CENPP: variants seen among roughly 807,000 people sequenced by gnomAD.
The protein encoded by CENPP is centromere protein P.
Under a neutral mutation model 35.6 loss-of-function variants are expected in CENPP, and 24 were observed. The ratio of observed to expected loss-of-function variants is 0.67; its 90% CI spans 0.49 to 0.95. The LOEUF is 0.95. Ranked by LOEUF, CENPP falls within the 40% of genes least tolerant of loss-of-function variation. The pLI is 0.00. For synonymous variants in CENPP, 120 were observed against 125.5 expected, an observed-to-expected ratio of 0.96 and a Z score of 0.29; for missense variants, 332 against 345.3, an observed-to-expected ratio of 0.96 and a Z score of 0.31.
At chr9:92,555,944 C>T (rs1035237478) in intron 5 of CENPP, among the ~76,000 whole-genome samples, 1 of 151,886 alleles carries the variant, frequency 6.6e-6, no homozygotes, top group Admixed American at 6.6e-5. Flanking sequence ...GTCTGTGTTT[C>T]GTTTGTTCTT....
rs899956946 is a variant in CENPP at position 92,581,922 on chromosome 9, C to G, written c.565-29392C>G. Among the ~76,000 whole-genome samples the G allele has an allele frequency of 1.2e-4, 18 of 152,152 alleles. 1 individual carries two copies. The highest frequency in any genetic ancestry group is 3.9e-4 in the African/African-American group (16 of 41,448). ...TGTTCAAGAGGAGGACTGAGACATCCATTTGTTTAGACTTTGATGAGTATA... is the reference window on the plus strand; with the variant it reads ...TGTTCAAGAGGAGGACTGAGACATCGATTTGTTTAGACTTTGATGAGTATA... On this transcript the variant is annotated intron_variant, in intron 5 of 7. Transcript: ENST00000375587.
chr9:92,564,066 A>T (rs944086860), intron 5 of CENPP, among the ~76,000 whole-genome samples: 1 of 152,130 alleles, frequency 6.6e-6, no homozygotes, highest in Non-Finnish European at 1.5e-5. Flanking sequence ...GAATGTAAGG[A>T]TCAAGTCTAC....
At chr9:92,428,418 G>A (rs966280994) in intron 5 of CENPP, among the ~76,000 whole-genome samples, 11 of 152,092 alleles carry the variant, frequency 7.2e-5, no homozygotes, top group Non-Finnish European at 1.0e-4. Flanking sequence ...CTGAGCATGG[G>A]CCCAGGAACT....
chr9:92,530,284 AT>A (rs1314282518), intron 5 of CENPP, among the ~76,000 whole-genome samples: 3 of 152,148 alleles, frequency 2.0e-5, no homozygotes, highest in African/African-American at 7.2e-5. Context: ...AACTATGGAC[AT>A]TGGGTGATAA....
chr9:92,603,970 T>G (rs1851000117), intron 5 of CENPP, among the ~76,000 whole-genome samples: 1 of 152,242 alleles, frequency 6.6e-6, no homozygotes, highest in Non-Finnish European at 1.5e-5. Context: ...GGGGCTGATG[T>G]GCATTCTTAA....
chr9:92,518,290 C>T (rs1447922224), intron 5 of CENPP, among the ~76,000 whole-genome samples: 1 of 152,200 alleles, frequency 6.6e-6, no homozygotes, highest in Non-Finnish European at 1.5e-5. Flanking sequence ...GTCCTGATCA[C>T]TGCGGTAGTG....
intron 5 of CENPP, among the ~76,000 whole-genome samples, chr9:92,388,318 C>T (rs770921670): frequency 2.6e-5 from 4 of 151,784 alleles, no homozygotes; most frequent in Admixed American, 1.3e-4. Flanking sequence ...CCCACCACCA[C>T]GCCTAGCTAA....
intron 5 of CENPP, among the ~76,000 whole-genome samples, chr9:92,552,368 G>A (rs1849635484): frequency 6.6e-6 from 1 of 152,078 alleles, no homozygotes; most frequent in Admixed American, 6.6e-5. Flanking sequence ...CCAGTAGTGG[G>A]ACTGCTGGAT....
intron 5 of CENPP, among the ~76,000 whole-genome samples, chr9:92,562,551 T>C (rs1159275549): frequency 1.3e-5 from 2 of 152,034 alleles, no homozygotes; most frequent in African/African-American, 4.8e-5. Flanking sequence ...ATTTCATAGG[T>C]TGTTTCTCTT....
At chr9:92,526,735 G>A (rs1392465145) in intron 5 of CENPP, among the ~76,000 whole-genome samples, 1 of 151,806 alleles carries the variant, frequency 6.6e-6, no homozygotes, top group African/African-American at 2.4e-5. Context: ...AGTATATAAA[G>A]TTAAATTACA....
chr9:92,571,715 A>G (rs1251140285), intron 5 of CENPP, among the ~76,000 whole-genome samples: 3 of 152,230 alleles, frequency 2.0e-5, no homozygotes, highest in Admixed American at 6.5e-5. Context: ...GTGGGAGTCT[A>G]AGTCTCTTTG....
At chr9:92,352,505 G>GTGTGTGTGTGTGTATATATATATATATA in intron 4 of CENPP, among the ~76,000 whole-genome samples, 7 of 49,790 alleles carry the variant, frequency 1.4e-4, no homozygotes, top group South Asian at 6.5e-4. Context: ...GTGTGTGTGT[G>GTGTGTGTGTGTGTATATATATATATATA]TATACATATA....
At chr9:92,551,539 A>G (rs1423988749) in intron 5 of CENPP, among the ~76,000 whole-genome samples, 1 of 151,782 alleles carries the variant, frequency 6.6e-6, no homozygotes, top group Admixed American at 6.6e-5. Flanking sequence ...TTATTTTTCC[A>G]TAAGTTATTG....
At chr9:92,602,313 G>A (rs1473776968) in intron 5 of CENPP, among the ~76,000 whole-genome samples, 3 of 152,206 alleles carry the variant, frequency 2.0e-5, no homozygotes, top group African/African-American at 4.8e-5. Flanking sequence ...TGATGGAAAC[G>A]GAAAGCCACC....
At chr9:92,421,720 T>C (rs943917761) in intron 5 of CENPP, among the ~76,000 whole-genome samples, 48 of 152,172 alleles carry the variant, frequency 3.2e-4, no homozygotes, top group African/African-American at 1.1e-3. Flanking sequence ...CTATGCTAAG[T>C]TGGTGGAGAA....
At chr9:92,458,626 C>T (rs559319681) in intron 5 of CENPP, among the ~76,000 whole-genome samples, 1 of 152,162 alleles carries the variant, frequency 6.6e-6, no homozygotes, top group South Asian at 2.1e-4. Flanking sequence ...TGTTATAATT[C>T]TATTCATTTA....
At chr9:92,446,121 G>C (rs1191127348) in intron 5 of CENPP, among the ~76,000 whole-genome samples, 2 of 152,068 alleles carry the variant, frequency 1.3e-5, no homozygotes, top group Admixed American at 6.5e-5. Flanking sequence ...TTAATACCAG[G>C]ACTTTATACA....
At chr9:92,390,736 G>A (rs967005182) in intron 5 of CENPP, among the ~76,000 whole-genome samples, 8 of 152,134 alleles carry the variant, frequency 5.3e-5, no homozygotes, top group African/African-American at 1.9e-4. Context: ...GAAATACAGG[G>A]TTATGTTCCT....
chr9:92,540,038 G>A (rs1481055157), intron 5 of CENPP, among the ~76,000 whole-genome samples: 1 of 152,168 alleles, frequency 6.6e-6, no homozygotes, highest in Non-Finnish European at 1.5e-5. Context: ...ATTTTTGAAT[G>A]GGTAATACAT....
Sources: gnomAD v4.1 joint callset for allele counts (sites outside exome capture counted in the v4.1 genomes callset) on GRCh38, gnomAD v4.1.1 for gene constraint, MANE v1.5 for transcripts, NCBI Gene and HGNC (gene_info 2026-07-23, HGNC 2026-07-21) for gene names.